Variants in ECT2 observed in about 807,000 individuals in gnomAD.
The protein encoded by ECT2 is protein ECT2.
A neutral mutation model predicts 116.9 loss-of-function variants in ECT2; 61 were observed. The observed-to-expected ratio is 0.52, with a 90% CI of 0.42 to 0.65. The LOEUF (loss-of-function observed/expected upper bound fraction) is 0.65, where lower values mean the gene tolerates loss of function less well. Ranked by LOEUF, ECT2 falls within the 30% of genes least tolerant of loss-of-function variation. ECT2 has a pLI of 0.00. For synonymous variants in ECT2, 358 were observed against 346.4 expected (o/e 1.03, Z -0.37); for missense variants, 937 against 1,078.7 (o/e 0.87, Z 1.84).
chr3:172,801,689 C>A (rs1726749960), intron 18 of ECT2, among the ~76,000 whole-genome samples: 1 of 152,190 alleles, frequency 6.6e-6, no homozygotes, highest in African/African-American at 2.4e-5. Context: ...ACTATCTGTG[C>A]TTTCTTTGCA....
At chr3:172,757,323 TC>T (rs1208619064) in intron 5 of ECT2, among the ~76,000 whole-genome samples, 158 bp downstream of exon 5, 20 of 152,110 alleles carry the variant, frequency 1.3e-4, no homozygotes, top group Non-Finnish European at 2.2e-4. Flanking sequence ...CTTTAATTCC[TC>T]CATTTTAAAC....
chr3:172,760,122 C>G (rs759885055), intron 6 of ECT2, 34 bp from the exon 7 acceptor site: 1 of 1,452,878 alleles, frequency 6.9e-7, no homozygotes, highest in South Asian at 1.3e-5. Context: ...TCAAATTAAC[C>G]ATAAAGTCAG....
chr3:172,816,911 T>C, intron 24 of ECT2, 74 bp downstream of exon 24: 6 of 1,228,756 alleles, frequency 4.9e-6, no homozygotes, highest in Non-Finnish European at 6.6e-6. Flanking sequence ...CTTCTAAAAA[T>C]TGGAAATATT....
intron 18 of ECT2, among the ~76,000 whole-genome samples, chr3:172,797,120 C>G (rs1725833760): frequency 2.0e-5 from 3 of 151,638 alleles, no homozygotes; most frequent in Admixed American, 2.0e-4. Context: ...ACCTCCACTT[C>G]CCAGGCTCAA....
intron 13 of ECT2, among the ~76,000 whole-genome samples, chr3:172,770,396 C>T (rs1047330223): frequency 3.3e-5 from 5 of 152,188 alleles, no homozygotes; most frequent in Admixed American, 6.5e-5. Flanking sequence ...TAAAAAATCT[C>T]ACGAAATTAT....
downstream of ECT2, among the ~76,000 whole-genome samples, chr3:172,825,200 T>G (rs1730811523): frequency 6.6e-6 from 1 of 152,156 alleles, no homozygotes; most frequent in South Asian, 2.1e-4. Context: ...CACCACAAAC[T>G]GCACCCATCT....
At chr3:172,814,282 A>G (rs1420788974) in intron 22 of ECT2, among the ~76,000 whole-genome samples, 1 of 152,058 alleles carries the variant, frequency 6.6e-6, no homozygotes, top group African/African-American at 2.4e-5. Context: ...GAGGCTTAAC[A>G]TTTCATTTCA....
chr3:172,807,822 T>C lies in ECT2; in HGVS notation c.2298T>C (p.Asn766=). Residue 766 remains asparagine (N), a synonymous_variant, in exon 22 of 25, where the codon AAT becomes AAC. Coordinates refer to ENST00000392692, the MANE Select transcript of ECT2 (RefSeq NM_001258315.2). ...LLVRPPTEQA[N]VLLSFQMTSD... is the part of the protein sequence containing the mutation. Reference sequence around the variant, plus strand: ...TGAGGCCACCAACAGAGCAGGCAAATGTGCTACTCAGTTTCCAGATGACAT... The same window carrying C: ...TGAGGCCACCAACAGAGCAGGCAAACGTGCTACTCAGTTTCCAGATGACAT... 1 of 1,613,872 alleles carries C rather than the reference T, an allele frequency of 6.2e-7. No homozygotes were observed. Among genetic ancestry groups the C allele is most frequent in the Non-Finnish European group, 8.5e-7 (1 of 1,179,814 alleles).
At chr3:172,760,979 C>T (rs1476807380) in intron 7 of ECT2, among the ~76,000 whole-genome samples, 1 of 152,002 alleles carries the variant, frequency 6.6e-6, no homozygotes, top group Non-Finnish European at 1.5e-5. Flanking sequence ...CCTCGGACTC[C>T]CAAAGTGGTG....
intron 22 of ECT2, 136 bp downstream of exon 22, chr3:172,808,060 T>A (rs1728098990): frequency 1.2e-6 from 1 of 838,122 alleles, no homozygotes; most frequent in African/African-American, 1.7e-5. Context: ...AAAACTGATG[T>A]AATAAGTTGT....
intron 14 of ECT2, among the ~76,000 whole-genome samples, chr3:172,778,846 C>T (rs4285014): frequency 0.87 from 132,497 of 152,036 alleles, 58,143 homozygotes; most frequent in Non-Finnish European, 0.92. Context: ...CTGCCCGCCT[C>T]GGCCTCCCAA....
At chr3:172,757,682 T>C (rs1717308388) in intron 5 of ECT2, among the ~76,000 whole-genome samples, 1 of 152,174 alleles carries the variant, frequency 6.6e-6, no homozygotes, top group Non-Finnish European at 1.5e-5. Flanking sequence ...CTCAAAGTTC[T>C]GGGATTACAG....
At chr3:172,762,270 T>G (rs1718453681) in intron 8 of ECT2, 146 bp from the exon 9 acceptor site, 1 of 813,804 alleles carries the variant, frequency 1.2e-6, no homozygotes. Flanking sequence ...CTGAAGTTTT[T>G]GTGAGCATTT....
At chr3:172,798,789 T>C (rs1726203006) in intron 18 of ECT2, among the ~76,000 whole-genome samples, 1 of 152,182 alleles carries the variant, frequency 6.6e-6, no homozygotes, top group Non-Finnish European at 1.5e-5. Flanking sequence ...TTTACATAAG[T>C]CTAATAGAAA....
chr3:172,773,886 T>C lies in ECT2; in HGVS notation c.1429-17T>C, dbSNP rs1488142982. ...TTTTCCCACAATCTACTTAAACTAG[T>C]CTTTTTTCTCATTTAGTTATTTCAA... is the stretch of plus-strand genomic sequence containing the variant. On this transcript the variant is annotated splice_polypyrimidine_tract_variant and intron_variant, in intron 13 of 24. Coordinates refer to ENST00000392692, the MANE Select transcript of ECT2 (RefSeq NM_001258315.2). 1 of 1,610,566 alleles carries C rather than the reference T, an allele frequency of 6.2e-7. No homozygotes were observed. Among genetic ancestry groups the C allele is most frequent in the African/African-American group, 1.3e-5 (1 of 74,778 alleles).
intron 22 of ECT2, among the ~76,000 whole-genome samples, chr3:172,814,780 TATACTC>T (rs1221451512): frequency 6.6e-6 from 1 of 152,222 alleles, no homozygotes; most frequent in African/African-American, 2.4e-5. Flanking sequence ...CATCACCTAA[TATACTC>T]ATTCCTTTGT....
At chr3:172,814,080 G>A (rs528405702) in intron 22 of ECT2, among the ~76,000 whole-genome samples, 2 of 152,098 alleles carry the variant, frequency 1.3e-5, no homozygotes, top group South Asian at 4.1e-4. Context: ...ATTTGTACAG[G>A]ATAAGCAACC....
At chr3:172,776,081 C>CT (rs762886526) in intron 14 of ECT2, among the ~76,000 whole-genome samples, 2 of 151,650 alleles carry the variant, frequency 1.3e-5, no homozygotes, top group Non-Finnish European at 2.9e-5. Context: ...AAATCATATT[C>CT]TTTGATTCAG....
intron 12 of ECT2, among the ~76,000 whole-genome samples, chr3:172,767,366 G>T (rs981668095): frequency 6.6e-6 from 1 of 152,078 alleles, no homozygotes; most frequent in Non-Finnish European, 1.5e-5. Flanking sequence ...ACTTGAACCC[G>T]GGAAGTGGAC....
Sources: gnomAD v4.1 joint callset for allele counts (sites outside exome capture counted in the v4.1 genomes callset) on GRCh38, gnomAD v4.1.1 for gene constraint, MANE v1.5 for transcripts, NCBI Gene and HGNC (gene_info 2026-07-23, HGNC 2026-07-21) for gene names.